The following NFASC variants were observed in gnomAD, a reference collection of about 807,000 sequenced individuals.
The protein encoded by NFASC is neurofascin, also known as neurofascin homolog.
In NFASC, 43 loss-of-function variants were observed where a neutral mutation model predicts 147.5. The observed-to-expected ratio is 0.29, with a 90% confidence interval of 0.23 to 0.38. The LOEUF is 0.38. NFASC is among the 10% of genes least tolerant of loss of function. NFASC has a pLI of 1.00. For missense variants in NFASC, 1,320 were observed against 1,689.0 expected, an observed-to-expected ratio of 0.78 and a Z score of 3.83; for synonymous variants, 622 against 665.5, an observed-to-expected ratio of 0.93 and a Z score of 1.01.
intron 26 of NFASC, among the ~76,000 whole-genome samples, chr1:205,001,580 G>A (rs12139426): frequency 0.22 from 32,920 of 151,994 alleles, 3,736 homozygotes; most frequent in South Asian, 0.27. Flanking sequence ...CCCAGGATGA[G>A]GGTTCTGAAT....
intron 3 of NFASC, chr1:204,946,543 A>G (rs1472483382): frequency 2.3e-6 from 1 of 426,680 alleles, no homozygotes; most frequent in Non-Finnish European, 4.8e-6. Context: ...CGTGTCCAAA[A>G]AGAGTCTGCA....
At position 204,979,369 on chromosome 1, in the gene NFASC, C is replaced by T. The variant is rs751878525; in HGVS notation, c.1986C>T (p.Val662=). 6.2e-6 allele frequency: 10 copies of T among 1,613,826 alleles called. No individual in the cohort carries two copies. The African/African-American group carries it at 6.7e-5, about 11-fold the overall frequency. The change falls in exon 19 of 30, where the codon GTC becomes GTT. Residue 662 remains valine, a synonymous_variant. Coordinates refer to ENST00000339876, the MANE Select transcript of NFASC (RefSeq NM_001005388.3). This position sits in a 1 kb window ranked among gnomAD's most constrained non-coding sequence, Gnocchi z 6.0. ...TTTTCCTTGCCCACTCAGACTACGT[C>T]GTCCAGTTTGAAGAAGACCAGTTCC... ...DANNSPITDY[V]VQFEEDQFQP... is the part of the protein sequence containing the mutation.
rs186193782 is a variant in NFASC, at chr1:204,976,693, C to T, written c.1729C>T (p.Leu577=). ...GNRMKKEDDS[L]TIFGVAERDQ... is the part of the protein sequence containing the mutation. ...CAGGATGAAGAAGGAAGACGACTCC[C>T]TGACCATCTTTGGGGTGGCAGAGCG... is the stretch of plus-strand genomic sequence containing the variant. The change falls in exon 16 of 30, where the codon CTG becomes TTG. Residue 577 remains leucine, a synonymous_variant. Coordinates refer to ENST00000339876, the MANE Select transcript of NFASC (RefSeq NM_001005388.3). The T allele has an allele frequency of 1.6e-5, 26 of 1,613,926 alleles. No individual in the cohort carries two copies. The Admixed American group carries it at 4.2e-4, about 26-fold the overall frequency.
At chr1:204,962,648 A>G (rs1250866550) in intron 8 of NFASC, among the ~76,000 whole-genome samples, 1 of 152,212 alleles carries the variant, frequency 6.6e-6, no homozygotes, top group Non-Finnish European at 1.5e-5. Flanking sequence ...CGGGAGTACC[A>G]TTTCACAGTG....
intron 1 of NFASC, among the ~76,000 whole-genome samples, chr1:204,876,995 T>A (rs1170333233): frequency 1.9e-5 from 1 of 53,512 alleles, no homozygotes; most frequent in East Asian, 1.7e-3. Context: ...TGGCTAAATA[T>A]GTATATATAT....
At chr1:205,012,410 G>T (rs117016244) in intron 28 of NFASC, among the ~76,000 whole-genome samples, 4 of 152,202 alleles carry the variant, frequency 2.6e-5, no homozygotes, top group African/African-American at 9.7e-5. Flanking sequence ...ATGAAAAAAC[G>T]TCCACAAATA....
At chr1:204,888,317 A>G (rs1459946610) in intron 1 of NFASC, among the ~76,000 whole-genome samples, 1 of 152,238 alleles carries the variant, frequency 6.6e-6, no homozygotes, top group Non-Finnish European at 1.5e-5. Flanking sequence ...AATTTAGTTA[A>G]AGATCGAATT....
chr1:204,846,937 CTGTGTGTGTGTACGCGTGTGTG>C (rs1440209581), intron 1 of NFASC, among the ~76,000 whole-genome samples: 1 of 140,700 alleles, frequency 7.1e-6, no homozygotes, highest in African/African-American at 2.9e-5. Context: ...AGACTGCTGC[CTGTGTGTGTGTACGCGTGTGTG>C]TGTGTGTGTG....
intron 1 of NFASC, among the ~76,000 whole-genome samples, chr1:204,869,710 A>C (rs2077430699): frequency 6.6e-6 from 1 of 152,172 alleles, no homozygotes; most frequent in Non-Finnish European, 1.5e-5. Flanking sequence ...CCAAGGCAAC[A>C]TGGCCAATAA....
intron 7 of NFASC, among the ~76,000 whole-genome samples, chr1:204,957,308 G>A (rs1253213404): frequency 6.6e-6 from 1 of 152,204 alleles, no homozygotes; most frequent in Non-Finnish European, 1.5e-5. Flanking sequence ...GGGAGTACCT[G>A]AAGGTTTGTG....
chr1:204,923,446 A>G (rs1278442951), intron 2 of NFASC, among the ~76,000 whole-genome samples: 2 of 152,092 alleles, frequency 1.3e-5, no homozygotes, highest in South Asian at 2.1e-4. Flanking sequence ...GGAAGCAGAC[A>G]CTGGCCCTCT....
At chr1:204,991,403 G>A in intron 24 of NFASC, 97 bp downstream of exon 24, 1 of 1,277,290 alleles carries the variant, frequency 7.8e-7, no homozygotes. Context: ...GGCTCAGGCT[G>A]AAAGCATGCT....
chr1:204,967,751 G>A (rs1230622962), intron 8 of NFASC: 1 of 152,910 alleles, frequency 6.5e-6, no homozygotes, highest in African/African-American at 2.4e-5. Context: ...TGATTGTGCG[G>A]GCTTTGTGAC....
intron 1 of NFASC, among the ~76,000 whole-genome samples, chr1:204,899,423 ATC>A (rs1010999220): frequency 2.6e-4 from 40 of 151,210 alleles, no homozygotes; most frequent in African/African-American, 9.1e-4. Context: ...AACACTCAGC[ATC>A]TCTCTCCTTT....
At chr1:204,959,946 G>A (rs185309929) in intron 8 of NFASC, among the ~76,000 whole-genome samples, 52 of 152,346 alleles carry the variant, frequency 3.4e-4, no homozygotes, top group Admixed American at 2.4e-3. Flanking sequence ...GACCCCCTAG[G>A]TGATTGGAAC....
chr1:204,875,350 G>A (rs1303611740), intron 1 of NFASC, among the ~76,000 whole-genome samples: 1 of 152,028 alleles, frequency 6.6e-6, no homozygotes, highest in Non-Finnish European at 1.5e-5. Flanking sequence ...TTTTCCACTG[G>A]TCTAACCTCC....
chr1:204,964,271 T>C (rs551519467), intron 8 of NFASC, among the ~76,000 whole-genome samples: 2 of 152,382 alleles, frequency 1.3e-5, no homozygotes, highest in East Asian at 1.9e-4. Flanking sequence ...GTTCCTAGTA[T>C]GTGTTGGGCA....
Position 204,975,462 on chromosome 1 carries a change from C to T in NFASC, c.1706+44C>T. 6.3e-7 allele frequency: 1 copy of T among 1,583,926 alleles called. No individual in the cohort carries two copies. The highest frequency in any genetic ancestry group is 8.6e-7 in the Non-Finnish European group (1 of 1,158,162). The stretch of plus-strand genomic sequence containing the variant: ...CCCTTCCTAGTGCTAGTTTGAGGCG[C>T]ATTTTCTTTTCCCTTGCTGTTGGTG... On this transcript the variant is annotated intron_variant, in intron 15 of 29. Transcript: ENST00000339876. This position sits in a 1 kb window ranked among gnomAD's most constrained non-coding sequence, Gnocchi z 4.0.
intron 1 of NFASC, among the ~76,000 whole-genome samples, chr1:204,837,895 C>A (rs1449972612): frequency 6.6e-6 from 1 of 152,180 alleles, no homozygotes; most frequent in Non-Finnish European, 1.5e-5. Flanking sequence ...CGTATGCAGG[C>A]TAAGATGGCC....
Sources: allele counts gnomAD v4.1 joint callset (sites outside exome capture counted in the v4.1 genomes callset), GRCh38; gene constraint gnomAD v4.1.1; non-coding constraint Gnocchi (gnomAD v3.1); transcripts MANE v1.5; gene names NCBI Gene and HGNC (gene_info 2026-07-23, HGNC 2026-07-21).